HCN1: variants seen among roughly 807,000 people sequenced by gnomAD.
HCN1 encodes potassium/sodium hyperpolarization-activated cyclic nucleotide-gated channel 1.
In HCN1, 13 loss-of-function variants were observed where a neutral mutation model predicts 78.9. The observed-to-expected ratio is 0.16, with a 90% confidence interval of 0.11 to 0.26. The LOEUF is 0.26. HCN1 is among the 10% of genes least tolerant of loss of function. The pLI is 1.00. For synonymous variants in HCN1, 552 were observed against 455.5 expected (o/e 1.21, Z -2.70); for missense variants, 810 against 1,154.3 (o/e 0.70, Z 4.32).
chr5:45,593,198 G>A (rs1241535409), intron 2 of HCN1, among the ~76,000 whole-genome samples: 4 of 132,604 alleles, frequency 3.0e-5, no homozygotes, highest in Admixed American at 1.7e-4. Context: ...TTGCACGCGC[G>A]CATGCACGCA....
intron 5 of HCN1, among the ~76,000 whole-genome samples, chr5:45,352,860 T>C (rs1746939292): frequency 6.6e-6 from 1 of 151,918 alleles, no homozygotes; most frequent in African/African-American, 2.4e-5. Context: ...CAAGAAGGAA[T>C]TTTAAAGAGC....
At chr5:45,523,511 C>T (rs1579947811) in intron 2 of HCN1, among the ~76,000 whole-genome samples, 1 of 152,154 alleles carries the variant, frequency 6.6e-6, no homozygotes, top group African/African-American at 2.4e-5. Context: ...CACATACTCT[C>T]CAGCACCTGT....
intron 2 of HCN1, among the ~76,000 whole-genome samples, chr5:45,638,087 G>A (rs1745390077): frequency 6.6e-6 from 1 of 152,052 alleles, no homozygotes; most frequent in African/African-American, 2.4e-5. Context: ...AACCACAATT[G>A]GGAAGTAGTA....
intron 1 of HCN1, among the ~76,000 whole-genome samples, chr5:45,674,500 AGAAT>A (rs1346054524): frequency 1.3e-5 from 2 of 151,790 alleles, no homozygotes; most frequent in African/African-American, 2.4e-5. Flanking sequence ...AAGTTTTGCA[AGAAT>A]GAAAGAGAAT....
intron 4 of HCN1, among the ~76,000 whole-genome samples, chr5:45,385,835 G>C (rs550155024): frequency 6.6e-6 from 1 of 152,236 alleles, no homozygotes; most frequent in Admixed American, 6.5e-5. Flanking sequence ...CGCATTCTTG[G>C]CTGGACACAG....
At chr5:45,498,950 C>G (rs1742122356) in intron 2 of HCN1, among the ~76,000 whole-genome samples, 1 of 152,166 alleles carries the variant, frequency 6.6e-6, no homozygotes, top group African/African-American at 2.4e-5. Context: ...TCTCAGATCT[C>G]CAGCTGCGTG....
At chr5:45,396,322 C>T (rs1739685988) in intron 4 of HCN1, among the ~76,000 whole-genome samples, 170 bp downstream of exon 4, 1 of 151,606 alleles carries the variant, frequency 6.6e-6, no homozygotes, top group African/African-American at 2.4e-5. Flanking sequence ...GATATGAGAA[C>T]TATCTTGAAG....
At chr5:45,390,231 A>G (rs1356527239) in intron 4 of HCN1, among the ~76,000 whole-genome samples, 1 of 152,190 alleles carries the variant, frequency 6.6e-6, no homozygotes, top group Non-Finnish European at 1.5e-5. Flanking sequence ...CACAAGTTAC[A>G]TGCAGGTTGA....
intron 1 of HCN1, among the ~76,000 whole-genome samples, chr5:45,672,713 A>AT (rs570434825): frequency 8.3e-4 from 125 of 151,228 alleles, no homozygotes; most frequent in Non-Finnish European, 1.1e-3. Context: ...AAAAGATCCA[A>AT]TTTTTTTTAA....
At chr5:45,616,626 T>A (rs927567436) in intron 2 of HCN1, among the ~76,000 whole-genome samples, 1 of 151,970 alleles carries the variant, frequency 6.6e-6, no homozygotes, top group Non-Finnish European at 1.5e-5. Flanking sequence ...TCTTTTGCAT[T>A]GATAAAACCA....
chr5:45,686,221 T>C lies in HCN1; in HGVS notation c.425+9448A>G, dbSNP rs538761729. Among the ~76,000 whole-genome samples, 6 of 151,736 alleles carry C rather than the reference T, an allele frequency of 4.0e-5. No homozygotes were observed. In the South Asian group the frequency reaches 6.2e-4, roughly 16 times the overall value. Reference sequence around the variant, plus strand: ...AGTTCCTAATATTGTTACCTCAAAATAATATATGCCCAGTCTTTTTTTTTT... The same window carrying C: ...AGTTCCTAATATTGTTACCTCAAAACAATATATGCCCAGTCTTTTTTTTTT... On this transcript the variant is annotated intron_variant, in intron 1 of 7. Coordinates refer to ENST00000303230, the MANE Select transcript of HCN1 (RefSeq NM_021072.4).
In HCN1 at chr5:45,281,579, C is replaced by CTTTTTT. The variant is rs751307473; in HGVS notation, c.1619-14332_1619-14327dup. On this transcript the variant is annotated intron_variant, in intron 6 of 7. Coordinates refer to ENST00000303230, the MANE Select transcript of HCN1 (RefSeq NM_021072.4). ...AAAAATATACAAGAGCTCTTCTCTT[C>CTTTTTT]TTTTTTTTTTTTTTTTTTTTTTTTT... is the stretch of plus-strand genomic sequence containing the variant. 1.4e-3 allele frequency among the ~76,000 whole-genome samples: 112 copies of CTTTTTT among 81,690 alleles called. 4 individuals are homozygous for CTTTTTT. Among genetic ancestry groups the CTTTTTT allele is most frequent in the African/African-American group, 2.6e-3 (53 of 20,662 alleles). 53.6% of individuals were successfully genotyped at this position (81,690 alleles called of 152,430 possible). A position where few individuals can be genotyped will look rare whatever the true frequency, so the allele number is the denominator to read the frequency against.
At chr5:45,365,550 C>G (rs1367033296) in intron 4 of HCN1, among the ~76,000 whole-genome samples, 1 of 151,918 alleles carries the variant, frequency 6.6e-6, no homozygotes, top group Non-Finnish European at 1.5e-5. Flanking sequence ...GTGTAGTATT[C>G]CATACATATA....
At chr5:45,350,093 A>G (rs1746856169) in intron 5 of HCN1, among the ~76,000 whole-genome samples, 1 of 152,176 alleles carries the variant, frequency 6.6e-6, no homozygotes, top group Non-Finnish European at 1.5e-5. Context: ...TTAGACCAAT[A>G]TCCTTGATGA....
chr5:45,587,781 C>A (rs1404611589), intron 2 of HCN1, among the ~76,000 whole-genome samples: 1 of 151,956 alleles, frequency 6.6e-6, no homozygotes, highest in Non-Finnish European at 1.5e-5. Flanking sequence ...AATACTTGTG[C>A]CTACTAAATT....
At chr5:45,588,570 C>T (rs867467143) in intron 2 of HCN1, among the ~76,000 whole-genome samples, 11 of 152,278 alleles carry the variant, frequency 7.2e-5, no homozygotes, top group South Asian at 2.1e-4. Context: ...ACCCTACTCA[C>T]CTCCTGCCCC....
At chr5:45,263,688 C>A (rs568946334) in intron 7 of HCN1, among the ~76,000 whole-genome samples, 138 of 152,258 alleles carry the variant, frequency 9.1e-4, no homozygotes, top group African/African-American at 3.2e-3. Context: ...TGTTCCCTAC[C>A]AATTAAATCT....
At chr5:45,265,964 A>G (rs1273555391) in intron 7 of HCN1, among the ~76,000 whole-genome samples, 1 of 152,078 alleles carries the variant, frequency 6.6e-6, no homozygotes, top group Non-Finnish European at 1.5e-5. Context: ...AGGTTTCTAG[A>G]GGGAGGTGAT....
intron 2 of HCN1, chr5:45,644,001 C>A (rs190293984): frequency 6.6e-6 from 1 of 152,080 alleles, no homozygotes; most frequent in Non-Finnish European, 1.5e-5. Context: ...AAGAATGATC[C>A]ATTTTTATGC....
Sources: allele counts gnomAD v4.1 joint callset (sites outside exome capture counted in the v4.1 genomes callset), GRCh38; gene constraint gnomAD v4.1.1; transcripts MANE v1.5; gene names NCBI Gene and HGNC (gene_info 2026-07-23, HGNC 2026-07-21).